The following SOX5 variants were observed in gnomAD, a reference collection of about 807,000 sequenced individuals.
The protein encoded by SOX5 is SRY-box transcription factor 5.
In SOX5, 9 loss-of-function variants were observed where a neutral mutation model predicts 92.0. That is an observed-to-expected ratio of 0.10 (90% confidence interval 0.06 to 0.17). The LOEUF is 0.17. Ranked by LOEUF, SOX5 falls within the 10% of genes least tolerant of loss-of-function variation. SOX5 has a pLI of 1.00. For missense variants in SOX5, 642 were observed against 944.5 expected, an observed-to-expected ratio of 0.68 and a Z score of 4.20; for synonymous variants, 344 against 336.3, an observed-to-expected ratio of 1.02 and a Z score of -0.25.
At chr12:24,262,968 TC>T (rs778128042) in intron 3 of SOX5, among the ~76,000 whole-genome samples, 2 of 152,074 alleles carry the variant, frequency 1.3e-5, no homozygotes, top group Non-Finnish European at 2.9e-5. Context: ...ATGCCTGTAA[TC>T]CCAGCACTCT....
At position 23,847,371 on chromosome 12, in the gene SOX5, A is replaced by C. The variant is rs567124519; in HGVS notation, c.271-1178T>G. Among the ~76,000 whole-genome samples the C allele has an allele frequency of 1.8e-4, 28 of 152,298 alleles. No homozygotes were observed. In the South Asian group the frequency reaches 5.8e-3, roughly 32 times the overall value. ...ATACCTGTTTGCACATTTCTTCTCTACCTATTTGAGACACAGTAATACAAT... is the reference window on the plus strand; with the variant it reads ...ATACCTGTTTGCACATTTCTTCTCTCCCTATTTGAGACACAGTAATACAAT... On this transcript the variant is annotated intron_variant, in intron 2 of 14. Coordinates refer to ENST00000451604, the MANE Select transcript of SOX5 (RefSeq NM_006940.6).
At chr12:24,409,204 C>T (rs1261571433) in intron 1 of SOX5, among the ~76,000 whole-genome samples, 1 of 152,146 alleles carries the variant, frequency 6.6e-6, no homozygotes, top group Non-Finnish European at 1.5e-5. Context: ...AAGCCATCAT[C>T]CTTAGCAAAC....
intron 1 of SOX5, among the ~76,000 whole-genome samples, chr12:24,489,938 T>C (rs1461557381): frequency 1.3e-5 from 2 of 152,244 alleles, no homozygotes; most frequent in African/African-American, 4.8e-5. Context: ...AAACATTGTC[T>C]AACTTTTAAT....
chr12:23,590,135 CCAG>C (rs1189315784), intron 9 of SOX5, among the ~76,000 whole-genome samples: 1 of 151,700 alleles, frequency 6.6e-6, no homozygotes, highest in Non-Finnish European at 1.5e-5. Flanking sequence ...CAGAAGCAAC[CCAG>C]AGAGGTCCAG....
intron 7 of SOX5, among the ~76,000 whole-genome samples, chr12:23,657,430 G>C (rs1465720828): frequency 6.6e-6 from 1 of 152,020 alleles, no homozygotes; most frequent in African/African-American, 2.4e-5. Context: ...ATCTATTGTA[G>C]AGTTTGAAGC....
chr12:23,863,715 A>C (rs2096780202), intron 2 of SOX5, among the ~76,000 whole-genome samples: 1 of 151,910 alleles, frequency 6.6e-6, no homozygotes, highest in African/African-American at 2.4e-5. Context: ...TACATCTTAC[A>C]TTTCAATTTT....
intron 1 of SOX5, among the ~76,000 whole-genome samples, chr12:24,391,222 T>C (rs182455555): frequency 6.3e-4 from 96 of 152,332 alleles, no homozygotes; most frequent in African/African-American, 2.2e-3. Context: ...GTATGTCTTC[T>C]TTTGAAAAAC....
At chr12:24,290,679 C>A (rs993310784) in intron 2 of SOX5, among the ~76,000 whole-genome samples, 1 of 152,134 alleles carries the variant, frequency 6.6e-6, no homozygotes, top group Non-Finnish European at 1.5e-5. Context: ...AAGGCATGGT[C>A]CCTGCTCCTG....
chr12:23,806,448 C>T (rs976493269), intron 3 of SOX5, among the ~76,000 whole-genome samples: 1 of 152,042 alleles, frequency 6.6e-6, no homozygotes, highest in Non-Finnish European at 1.5e-5. Flanking sequence ...TTAACTCTGG[C>T]ATAAATACAA....
At chr12:24,056,970 G>A (rs1196192199) in intron 4 of SOX5, among the ~76,000 whole-genome samples, 6 of 29,318 alleles carry the variant, frequency 2.0e-4, no homozygotes, top group Non-Finnish European at 4.9e-4. Flanking sequence ...GCGAGACTCC[G>A]TCTCAAAAAA....
chr12:24,310,411 A>T (rs1456384342), intron 2 of SOX5, among the ~76,000 whole-genome samples: 2 of 152,230 alleles, frequency 1.3e-5, no homozygotes, highest in Non-Finnish European at 2.9e-5. Flanking sequence ...ATACCTTTAC[A>T]TTATAAATAT....
At chr12:24,261,994 T>C (rs1199320725) in intron 3 of SOX5, among the ~76,000 whole-genome samples, 1 of 152,226 alleles carries the variant, frequency 6.6e-6, no homozygotes, top group Non-Finnish European at 1.5e-5. Flanking sequence ...GTTTATATCG[T>C]TGGCTACGGA....
intron 4 of SOX5, among the ~76,000 whole-genome samples, chr12:23,973,949 T>C (rs997431376): frequency 2.6e-5 from 4 of 152,188 alleles, no homozygotes; most frequent in African/African-American, 7.2e-5. Context: ...TCCCTGCCTG[T>C]GCCTGAATAA....
chr12:23,538,218 A>G (rs1412626361), intron 13 of SOX5, among the ~76,000 whole-genome samples: 3 of 152,194 alleles, frequency 2.0e-5, no homozygotes, highest in South Asian at 4.1e-4. Flanking sequence ...GAGTTCCTCA[A>G]TATGGGCTGT....
chr12:23,860,624 A>T (rs1595126683), intron 2 of SOX5, among the ~76,000 whole-genome samples: 2 of 152,316 alleles, frequency 1.3e-5, no homozygotes, highest in East Asian at 1.9e-4. Context: ...TCCCTCAGGA[A>T]ATTCAATTGT....
chr12:24,241,455 G>A (rs2140066010), intron 3 of SOX5, among the ~76,000 whole-genome samples: 1 of 152,248 alleles, frequency 6.6e-6, no homozygotes, highest in Non-Finnish European at 1.5e-5. Context: ...TTCCTGGCCA[G>A]GAGTATGTCA....
At chr12:23,802,813 A>G (rs991830656) in intron 3 of SOX5, among the ~76,000 whole-genome samples, 1 of 152,172 alleles carries the variant, frequency 6.6e-6, no homozygotes, top group Admixed American at 6.5e-5. Context: ...TGCAACTCAC[A>G]TAATTTACCA....
At chr12:23,692,289 T>G (rs1300760817) in intron 6 of SOX5, among the ~76,000 whole-genome samples, 1 of 151,524 alleles carries the variant, frequency 6.6e-6, no homozygotes, top group Non-Finnish European at 1.5e-5. Context: ...AAAAAAAAAT[T>G]AGACAGGCAT....
At chr12:23,963,812 A>T (rs1024432060) in intron 4 of SOX5, among the ~76,000 whole-genome samples, 1 of 151,570 alleles carries the variant, frequency 6.6e-6, no homozygotes, top group Admixed American at 6.6e-5. Context: ...CATACAATGG[A>T]TAGCTTTTGG....
Sources: allele counts gnomAD v4.1 joint callset (sites outside exome capture counted in the v4.1 genomes callset), GRCh38; gene constraint gnomAD v4.1.1; transcripts MANE v1.5; gene names NCBI Gene and HGNC (gene_info 2026-07-23, HGNC 2026-07-21).